WDPCP: variants seen among roughly 807,000 people sequenced by gnomAD.
WDPCP encodes the protein WD repeat containing planar cell polarity effector.
WDPCP carries 71 observed loss-of-function variants against 93.1 expected under a neutral mutation model. The observed-to-expected ratio is 0.76, with a 90% confidence interval of 0.63 to 0.93. The LOEUF is 0.93. Ranked by LOEUF, WDPCP falls within the 40% of genes least tolerant of loss-of-function variation. The pLI is 0.00. For synonymous variants in WDPCP, 315 were observed against 315.0 expected, an observed-to-expected ratio of 1.00 and a Z score of 0.00; for missense variants, 844 against 887.4, an observed-to-expected ratio of 0.95 and a Z score of 0.62.
chr2:63,407,243 C>G lies in WDPCP; in HGVS notation c.826-2586G>C, dbSNP rs899944301. Among the ~76,000 whole-genome samples, 3 of 151,966 alleles carry G rather than the reference C, an allele frequency of 2.0e-5. No homozygotes were observed. The East Asian group carries it at 5.8e-4, about 29-fold the overall frequency. ...AAAGGAGAGCTTCAAGCAGAGGAAA[C>G]AAGCCCTGAGGTGGAATCTCTATTG... On this transcript the variant is annotated intron_variant, in intron 9 of 17. Coordinates refer to ENST00000272321, the MANE Select transcript of WDPCP (RefSeq NM_015910.7).
intron 13 of WDPCP, among the ~76,000 whole-genome samples, chr2:63,282,540 G>A (rs748590065): frequency 1.3e-5 from 2 of 152,002 alleles, no homozygotes; most frequent in African/African-American, 2.4e-5. Context: ...CACATAGATC[G>A]ATGGAACAGA....
intron 13 of WDPCP, among the ~76,000 whole-genome samples, chr2:63,301,407 T>G (rs1484097196): frequency 6.6e-6 from 1 of 152,208 alleles, no homozygotes; most frequent in South Asian, 2.1e-4. Flanking sequence ...TGAACCATTC[T>G]CTATGGGTAA....
intron 12 of WDPCP, chr2:63,378,124 A>G: frequency 2.2e-6 from 1 of 451,660 alleles, no homozygotes; most frequent in Non-Finnish European, 4.0e-6. Context: ...ATATTTCTAC[A>G]TTGACTTTAC....
In WDPCP at chr2:63,479,044, A is replaced by G. The variant is rs184919724; in HGVS notation, c.384+5560T>C. Among the ~76,000 whole-genome samples the G allele has an allele frequency of 2.2e-3, 339 of 152,176 alleles. 1 individual carries two copies. The highest frequency in any genetic ancestry group is 6.8e-3 in the Middle Eastern group (2 of 294). On this transcript the variant is annotated intron_variant, in intron 6 of 17. Transcript: ENST00000272321. ...AAATACAAAAAAAAAAAATCATTCA[A>G]GGCTACTATGAACACCTTTATGCCC...
chr2:63,211,326 C>T (rs758884960), intron 14 of WDPCP, among the ~76,000 whole-genome samples: 1 of 152,192 alleles, frequency 6.6e-6, no homozygotes, highest in Admixed American at 6.5e-5. Context: ...CTGCAGCCTC[C>T]GCTGGTGATA....
chr2:63,415,215 T>C (rs2105304288), intron 9 of WDPCP, among the ~76,000 whole-genome samples: 1 of 152,230 alleles, frequency 6.6e-6, no homozygotes, highest in East Asian at 1.9e-4. Context: ...ATTAAAAAAT[T>C]AGCCAGGCAC....
At chr2:63,471,681 T>C (rs1454411452) in intron 6 of WDPCP, among the ~76,000 whole-genome samples, 3 of 152,204 alleles carry the variant, frequency 2.0e-5, no homozygotes, top group East Asian at 1.9e-4. Flanking sequence ...CTCTTCAACA[T>C]CCTTCCTGGA....
intron 10 of WDPCP, among the ~76,000 whole-genome samples, chr2:63,385,377 T>C (rs913563884): frequency 1.3e-5 from 2 of 152,096 alleles, no homozygotes; most frequent in African/African-American, 4.8e-5. Context: ...GTCATCTATG[T>C]AGAAAATCCT....
At chr2:63,830,766 C>T (rs1671180167), upstream of WDPCP, among the ~76,000 whole-genome samples, 1 of 152,118 alleles carries the variant, frequency 6.6e-6, no homozygotes, top group Admixed American at 6.6e-5. Flanking sequence ...TATTCTCTCT[C>T]AGTTTTCCTT....
chr2:63,121,947 T>A lies in WDPCP; in HGVS notation c.*59A>T. ...AAATCCACACGGGGGATTTTAAGTC[T>A]GTATCAGGCCATGAAAAGTTTAGAT... is the stretch of plus-strand genomic sequence containing the variant. On this transcript the variant is annotated 3_prime_UTR_variant, in exon 18 of 18. Coordinates refer to ENST00000272321, the MANE Select transcript of WDPCP (RefSeq NM_015910.7). 1.2e-6 allele frequency: 2 copies of A among 1,606,256 alleles called. No individual in the cohort carries two copies. Among genetic ancestry groups the A allele is most frequent in the Non-Finnish European group, 1.7e-6 (2 of 1,177,798 alleles).
At chr2:63,817,335 C>G (rs1670952030) in intron 1 of WDPCP, among the ~76,000 whole-genome samples, 1 of 152,130 alleles carries the variant, frequency 6.6e-6, no homozygotes, top group African/African-American at 2.4e-5. Flanking sequence ...GTCTCGAACT[C>G]CTGACCTCAT....
intron 1 of WDPCP, among the ~76,000 whole-genome samples, chr2:63,497,689 C>T (rs1439008951): frequency 6.6e-6 from 1 of 152,128 alleles, no homozygotes; most frequent in African/African-American, 2.4e-5. Flanking sequence ...TTAAAGAGCT[C>T]TAAACATCTT....
intron 2 of WDPCP, among the ~76,000 whole-genome samples, chr2:63,782,593 C>G (rs529047629): frequency 5.1e-4 from 78 of 152,158 alleles, no homozygotes; most frequent in Admixed American, 8.5e-4. Context: ...TAGAGAAATG[C>G]AAATTAAAAC....
At position 63,569,185 on chromosome 2, in the gene WDPCP, A is replaced by T. The variant is rs559737996; in HGVS notation, c.75+19012T>A. ...AGAAACAAGCTGCAGAAAAACGCTAATTTCTATAAAATTCAAAAATGATCA... is the reference window on the plus strand; with the variant it reads ...AGAAACAAGCTGCAGAAAAACGCTATTTTCTATAAAATTCAAAAATGATCA... On this transcript the variant is annotated intron_variant, in intron 1 of 17. Coordinates refer to ENST00000272321, the MANE Select transcript of WDPCP (RefSeq NM_015910.7). Among the ~76,000 whole-genome samples, 17 of 152,346 alleles carry T rather than the reference A, an allele frequency of 1.1e-4. No homozygotes were observed. The South Asian group carries it at 3.5e-3, about 32-fold the overall frequency.
At chr2:63,245,033 T>C (rs1359215133) in intron 14 of WDPCP, among the ~76,000 whole-genome samples, 1 of 152,144 alleles carries the variant, frequency 6.6e-6, no homozygotes, top group Non-Finnish European at 1.5e-5. Flanking sequence ...TAAGTGGAAA[T>C]TCTACATCTG....
chr2:63,202,946 C>T (rs1418261561), intron 14 of WDPCP, among the ~76,000 whole-genome samples: 1 of 152,050 alleles, frequency 6.6e-6, no homozygotes, highest in Non-Finnish European at 1.5e-5. Flanking sequence ...GTGAGTTCAG[C>T]CCATTTACAT....
intron 14 of WDPCP, among the ~76,000 whole-genome samples, chr2:63,245,295 G>A (rs1289532809): frequency 6.6e-6 from 1 of 152,106 alleles, no homozygotes; most frequent in Non-Finnish European, 1.5e-5. Context: ...GTCGTTTTGT[G>A]TATTCTCTGC....
intron 1 of WDPCP, among the ~76,000 whole-genome samples, chr2:63,535,461 T>A (rs547103752): frequency 6.6e-6 from 1 of 152,132 alleles, no homozygotes; most frequent in African/African-American, 2.4e-5. Flanking sequence ...CTTCAAACTA[T>A]ACTACAAGGC....
chr2:63,274,292 C>G (rs1330590181), intron 13 of WDPCP, among the ~76,000 whole-genome samples: 1 of 151,912 alleles, frequency 6.6e-6, no homozygotes, highest in Admixed American at 6.6e-5. Context: ...AAAAATGAAA[C>G]AAATGAAAAT....
Sources: allele counts gnomAD v4.1 joint callset (sites outside exome capture counted in the v4.1 genomes callset), GRCh38; gene constraint gnomAD v4.1.1; transcripts MANE v1.5; gene names NCBI Gene and HGNC (gene_info 2026-07-23, HGNC 2026-07-21).